DTNA: variants seen among roughly 807,000 people sequenced by gnomAD.
DTNA encodes the protein dystrobrevin alpha.
A neutral mutation model predicts 100.7 loss-of-function variants in DTNA; 43 were observed. The ratio of observed to expected loss-of-function variants is 0.43; its 90% CI spans 0.33 to 0.55. The LOEUF (loss-of-function observed/expected upper bound fraction) is 0.55. DTNA is among the 20% of genes least tolerant of loss of function. The pLI, the probability that DTNA is intolerant of heterozygous loss-of-function variation, is 0.04. For missense variants in DTNA, 798 were observed against 953.9 expected (o/e 0.84, Z 2.15); for synonymous variants, 349 against 347.9 (o/e 1.00, Z -0.04).
At chr18:34,841,498 T>C (rs2096268019) in intron 13 of DTNA, among the ~76,000 whole-genome samples, 1 of 152,176 alleles carries the variant, frequency 6.6e-6, no homozygotes, top group Non-Finnish European at 1.5e-5. Flanking sequence ...AAGAGTTTTG[T>C]CTTCAGTCTC....
chr18:34,822,093 G>A (rs143024787), intron 9 of DTNA, among the ~76,000 whole-genome samples: 10 of 152,308 alleles, frequency 6.6e-5, no homozygotes, highest in Admixed American at 2.6e-4. Context: ...TTACAAGCTG[G>A]CATGGGCTCA....
rs1171196725 is a variant in DTNA at position 34,889,605 on chromosome 18, C to T, written c.*1871C>T. 8.1e-6 allele frequency: 8 copies of T among 985,306 alleles called. No homozygotes were observed. Among genetic ancestry groups the T allele is most frequent in the South Asian group, 4.7e-5 (1 of 21,280 alleles). 61.0% of individuals were successfully genotyped at this position (985,306 alleles called of 1,614,324 possible). ...ATCTTCATGCCCCCTCTGCAGAGGG[C>T]GGCTGTACGATGTTCACATGTCTGC... is the stretch of plus-strand genomic sequence containing the variant. On this transcript the variant is annotated 3_prime_UTR_variant, in exon 23 of 23. Coordinates refer to ENST00000444659, the MANE Select transcript of DTNA (RefSeq NM_001386795.1).
At position 34,605,808 on chromosome 18, in the gene DTNA, T is replaced by C. The variant is rs542122918; in HGVS notation, c.-2+112294T>C. On this transcript the variant is annotated intron_variant, in intron 1 of 19. Transcript: ENST00000283365. ...AGTGGTTTTAATAAATAGCAACATT[T>C]CTCTCAATGGCTGCAGTACAAATAA... 2.0e-5 allele frequency among the ~76,000 whole-genome samples: 3 copies of C among 152,248 alleles called. No individual in the cohort carries two copies. The South Asian group carries it at 6.2e-4, about 32-fold the overall frequency.
intron 11 of DTNA, among the ~76,000 whole-genome samples, chr18:34,834,788 C>A (rs1348633202): frequency 1.3e-5 from 2 of 152,166 alleles, no homozygotes; most frequent in African/African-American, 4.8e-5. Context: ...ACCCCCATAA[C>A]CCAAACACCT....
chr18:34,851,895 G>A lies in DTNA; in HGVS notation c.1499G>A (p.Arg500Lys), dbSNP rs1316966231. 6.2e-7 allele frequency: 1 copy of A among 1,614,022 alleles called. No homozygotes were observed. The highest frequency in any genetic ancestry group is 8.5e-7 in the Non-Finnish European group (1 of 1,179,906). Residue 500 changes from arginine (R) to lysine (K), a missense_variant, in exon 15 of 23, where the codon AGG becomes AAG. Physicochemically the swap from Arg to Lys is conservative, Grantham distance 26. Coordinates refer to ENST00000444659, the MANE Select transcript of DTNA (RefSeq NM_001386795.1). ...ACCATCGATGCGAATAAGCAGCAAA[G>A]GCAGCTGATTGCTGAGCTAGAAAAC... ...SFTIDANKQQRQLIAELENKN... is the reference protein window; with the variant it reads ...SFTIDANKQQKQLIAELENKN...
At chr18:34,612,803 A>G (rs995485766) in intron 1 of DTNA, among the ~76,000 whole-genome samples, 30 of 152,318 alleles carry the variant, frequency 2.0e-4, no homozygotes, top group Admixed American at 1.2e-3. Context: ...AACACTATAC[A>G]TATTAATCTA....
intron 6 of DTNA, among the ~76,000 whole-genome samples, chr18:34,814,374 T>TG (rs1389969511): frequency 7.3e-5 from 11 of 150,852 alleles, no homozygotes; most frequent in African/African-American, 2.7e-4. Flanking sequence ...ATAATAGGAC[T>TG]GGGTTTTAAA....
chr18:34,828,800 CCCTCAGTAA>C (rs773224295), intron 10 of DTNA, among the ~76,000 whole-genome samples: 1 of 152,144 alleles, frequency 6.6e-6, no homozygotes, highest in South Asian at 2.1e-4. Flanking sequence ...ATGGTTTAGG[CCCTCAGTAA>C]CTTCCTTTTA....
chr18:34,529,987 T>C (rs1457275154), intron 1 of DTNA, among the ~76,000 whole-genome samples: 1 of 152,162 alleles, frequency 6.6e-6, no homozygotes, highest in Non-Finnish European at 1.5e-5. Flanking sequence ...CCTAGCTTCT[T>C]TGAATACATA....
intron 1 of DTNA, among the ~76,000 whole-genome samples, chr18:34,694,681 C>A (rs892264586): frequency 2.0e-5 from 3 of 151,348 alleles, no homozygotes; most frequent in East Asian, 1.9e-4. Context: ...AGGTGGCTGT[C>A]TTTTTTTTTA....
chr18:34,787,149 T>C (rs552727066), intron 3 of DTNA, among the ~76,000 whole-genome samples: 5 of 152,348 alleles, frequency 3.3e-5, no homozygotes, highest in Admixed American at 3.3e-4. Flanking sequence ...GTGATTCCAT[T>C]GTGAAGCCAC....
intron 1 of DTNA, among the ~76,000 whole-genome samples, chr18:34,573,309 A>G (rs969671410): frequency 5.3e-5 from 8 of 152,224 alleles, no homozygotes; most frequent in African/African-American, 1.4e-4. Context: ...AATATTAGGA[A>G]CAAAAATGCC....
Position 34,713,031 on chromosome 18 carries a change from C to T in DTNA, c.-2+2586C>T, listed in dbSNP as rs184683187. On this transcript the variant is annotated intron_variant, in intron 1 of 22. Coordinates refer to ENST00000444659, the MANE Select transcript of DTNA (RefSeq NM_001386795.1). Reference sequence around the variant, plus strand: ...TTTTTAGGAGTTATTTTTTAACCTCCGATTTTATTAAGGTGAATTTTATTA... The same window carrying T: ...TTTTTAGGAGTTATTTTTTAACCTCTGATTTTATTAAGGTGAATTTTATTA... Among the ~76,000 whole-genome samples, 166 of 151,918 alleles carry T rather than the reference C, an allele frequency of 1.1e-3. 1 individual carries two copies. The highest frequency in any genetic ancestry group is 3.7e-3 in the African/African-American group (153 of 41,450).
chr18:34,850,636 C>T lies in DTNA; in HGVS notation c.1435-1195C>T, dbSNP rs147298873. Among the ~76,000 whole-genome samples the T allele has an allele frequency of 4.5e-3, 687 of 152,136 alleles. 5 individuals are homozygous for T. The highest frequency in any genetic ancestry group is 0.016 in the African/African-American group (651 of 41,486). ...CCATTTTTAAAAGCTTTCCATTCTT[C>T]GGTAGAAAGATGAGTTGTGATTTTT... On this transcript the variant is annotated intron_variant, in intron 14 of 22. Coordinates refer to ENST00000444659, the MANE Select transcript of DTNA (RefSeq NM_001386795.1).
intron 1 of DTNA, among the ~76,000 whole-genome samples, chr18:34,739,566 C>T (rs1438566460): frequency 2.0e-5 from 3 of 152,192 alleles, no homozygotes; most frequent in Admixed American, 2.0e-4. Flanking sequence ...CACTTGCAAA[C>T]TCCAAGTCTC....
At chr18:34,645,236 TTAAA>T (rs1437961286) in intron 1 of DTNA, among the ~76,000 whole-genome samples, 3 of 152,164 alleles carry the variant, frequency 2.0e-5, no homozygotes, top group Non-Finnish European at 2.9e-5. Context: ...GAGGACTTTG[TTAAA>T]TAAATAGTGT....
intron 1 of DTNA, among the ~76,000 whole-genome samples, chr18:34,548,873 T>C (rs979822054): frequency 6.6e-6 from 1 of 152,130 alleles, no homozygotes; most frequent in African/African-American, 2.4e-5. Context: ...TTGGAGGAGA[T>C]AATGCCACTG....
chr18:34,838,717 C>T (rs545926737), intron 12 of DTNA, 28 bp from the exon 13 acceptor site: 69 of 1,593,530 alleles, frequency 4.3e-5, no homozygotes, highest in South Asian at 2.9e-4. Flanking sequence ...CTTAACAACA[C>T]GCTTTCTTTC....
At chr18:34,830,836 A>G (rs1033818270) in intron 11 of DTNA, among the ~76,000 whole-genome samples, 4 of 152,204 alleles carry the variant, frequency 2.6e-5, no homozygotes, top group African/African-American at 9.7e-5. Flanking sequence ...TTTCTTATAA[A>G]TTTATGGGAA....
Sources: gnomAD v4.1 joint callset for allele counts (sites outside exome capture counted in the v4.1 genomes callset) on GRCh38, gnomAD v4.1.1 for gene constraint, MANE v1.5 for transcripts, NCBI Gene and HGNC (gene_info 2026-07-23, HGNC 2026-07-21) for gene names.